Variants in CTNNA2 observed in about 807,000 individuals in gnomAD.
CTNNA2 encodes catenin alpha-2.
Under a neutral mutation model 101.0 loss-of-function variants are expected in CTNNA2, and 42 were observed. The ratio of observed to expected loss-of-function variants is 0.42; its 90% CI spans 0.32 to 0.54. CTNNA2 has a LOEUF of 0.54. CTNNA2 is among the 20% of genes least tolerant of loss of function. The pLI is 0.14. For synonymous variants in CTNNA2, 450 were observed against 456.4 expected, an observed-to-expected ratio of 0.99 and a Z score of 0.18; for missense variants, 871 against 1,223.1, an observed-to-expected ratio of 0.71 and a Z score of 4.29.
intron 4 of CTNNA2, among the ~76,000 whole-genome samples, chr2:79,441,049 C>G (rs542262944): frequency 4.6e-5 from 7 of 152,184 alleles, no homozygotes; most frequent in Non-Finnish European, 8.8e-5. Flanking sequence ...AGAATCATCT[C>G]AGGGAGAAAA....
At chr2:79,647,867 G>A (rs1012951987) in intron 1 of CTNNA2, among the ~76,000 whole-genome samples, 4 of 152,160 alleles carry the variant, frequency 2.6e-5, no homozygotes, top group African/African-American at 7.2e-5. Context: ...GCTCCAGCTC[G>A]GATTCAGGTG....
At chr2:79,600,698 A>C (rs993512500) in intron 1 of CTNNA2, among the ~76,000 whole-genome samples, 1 of 152,228 alleles carries the variant, frequency 6.6e-6, no homozygotes, top group African/African-American at 2.4e-5. Flanking sequence ...CCTATGACAG[A>C]ATACCATAGA....
intron 1 of CTNNA2, among the ~76,000 whole-genome samples, chr2:79,614,007 C>CT (rs1340677238): frequency 6.6e-6 from 1 of 152,190 alleles, no homozygotes; most frequent in East Asian, 1.9e-4. Context: ...AACAGACAGT[C>CT]TGACTCCACA....
intron 18 of CTNNA2, among the ~76,000 whole-genome samples, chr2:80,623,569 C>T (rs963669957): frequency 1.3e-5 from 2 of 152,024 alleles, no homozygotes; most frequent in East Asian, 3.9e-4. Context: ...AGAAATTCTT[C>T]TGACCATGCT....
intron 9 of CTNNA2, among the ~76,000 whole-genome samples, chr2:80,484,879 A>G (rs372785163): frequency 4.6e-5 from 7 of 152,082 alleles, no homozygotes; most frequent in South Asian, 2.1e-4. Context: ...GGTGGTGGGC[A>G]CCTGTAGTCC....
chr2:79,584,463 A>G (rs1467967193), intron 1 of CTNNA2, among the ~76,000 whole-genome samples: 2 of 151,628 alleles, frequency 1.3e-5, no homozygotes, highest in East Asian at 3.9e-4. Context: ...TCTTGTTGAT[A>G]TTCAAATTTA....
At chr2:79,569,602 C>T (rs950956061) in intron 1 of CTNNA2, among the ~76,000 whole-genome samples, 7 of 152,072 alleles carry the variant, frequency 4.6e-5, no homozygotes, top group African/African-American at 1.7e-4. Context: ...TCAGGTCTTA[C>T]CACAGCAGCA....
chr2:79,984,844 A>T (rs7571696), intron 7 of CTNNA2, among the ~76,000 whole-genome samples: 5,600 of 152,252 alleles, frequency 0.037, 326 homozygotes, highest in African/African-American at 0.13. Context: ...TCAGGTCATA[A>T]TCCCCTGCTT....
At position 80,582,507 on chromosome 2, in the gene CTNNA2, T is replaced by C. The variant is rs1013609787; in HGVS notation, c.2007+688T>C. On this transcript the variant is annotated intron_variant, in intron 14 of 18. Transcript: ENST00000402739. ...CTGACATTTGAGTACTCCATGATAC[T>C]GTTCACCAATGCATTTGGTCTAAAG... Among the ~76,000 whole-genome samples, 4 of 152,166 alleles carry C rather than the reference T, an allele frequency of 2.6e-5. No individual in the cohort carries two copies. The East Asian group carries it at 7.7e-4, about 29-fold the overall frequency.
chr2:79,386,490 C>T (rs1169893522), intron 4 of CTNNA2, among the ~76,000 whole-genome samples: 1 of 152,140 alleles, frequency 6.6e-6, no homozygotes, highest in African/African-American at 2.4e-5. Context: ...TCCACAATAT[C>T]CTCCTCTAAA....
intron 7 of CTNNA2, among the ~76,000 whole-genome samples, chr2:80,241,493 A>C (rs566284157): frequency 2.6e-5 from 4 of 151,986 alleles, no homozygotes; most frequent in Admixed American, 6.6e-5. Flanking sequence ...TATGAGCTAT[A>C]CAGGTCCATG....
chr2:80,429,104 C>A (rs142528059), intron 9 of CTNNA2, among the ~76,000 whole-genome samples: 2 of 151,908 alleles, frequency 1.3e-5, no homozygotes, highest in Admixed American at 6.6e-5. Context: ...GTATATATTC[C>A]AGTACTATTC....
chr2:80,107,100 C>T (rs1044620922), intron 7 of CTNNA2, among the ~76,000 whole-genome samples: 15 of 152,156 alleles, frequency 9.9e-5, no homozygotes, highest in African/African-American at 3.6e-4. Flanking sequence ...AAACTCTAGG[C>T]AGACAGGGCA....
chr2:80,098,449 G>A lies in CTNNA2; in HGVS notation c.1056+188652G>A, dbSNP rs146786847. ...GTTGCCTCCCAGTTAGGCTACTCGG[G>A]GATCAGGGACCCACTTGAGAGGCAG... On this transcript the variant is annotated intron_variant, in intron 7 of 18. Coordinates refer to ENST00000402739, the MANE Select transcript of CTNNA2 (RefSeq NM_001282597.3). Among the ~76,000 whole-genome samples the A allele has an allele frequency of 2.9e-3, 449 of 152,278 alleles. 3 individuals carry two copies. Among genetic ancestry groups the A allele is most frequent in the African/African-American group, 0.01 (419 of 41,566 alleles).
chr2:80,310,805 C>G (rs1298471896), intron 7 of CTNNA2, among the ~76,000 whole-genome samples: 1 of 151,934 alleles, frequency 6.6e-6, no homozygotes, highest in Non-Finnish European at 1.5e-5. Flanking sequence ...AACCCTGTCT[C>G]TACTGAAAAT....
upstream of CTNNA2, among the ~76,000 whole-genome samples, chr2:79,509,316 T>A (rs2103819047): frequency 6.6e-6 from 1 of 152,150 alleles, no homozygotes; most frequent in African/African-American, 2.4e-5. Context: ...AAGATGAAAT[T>A]GCTATAGCAT....
chr2:80,600,697 T>A (rs1697416988), intron 15 of CTNNA2, among the ~76,000 whole-genome samples: 1 of 152,142 alleles, frequency 6.6e-6, no homozygotes, highest in South Asian at 2.1e-4. Flanking sequence ...CGACTGAACA[T>A]ATCTACAGAA....
intron 3 of CTNNA2, among the ~76,000 whole-genome samples, chr2:79,755,047 C>T (rs188278857): frequency 2.0e-5 from 3 of 152,074 alleles, no homozygotes; most frequent in African/African-American, 7.2e-5. Context: ...TATTCACAGC[C>T]GGGTACAGTG....
chr2:80,052,145 C>T (rs1457163981), intron 7 of CTNNA2, among the ~76,000 whole-genome samples: 1 of 152,148 alleles, frequency 6.6e-6, no homozygotes, highest in Non-Finnish European at 1.5e-5. Flanking sequence ...TAAATATGAT[C>T]TGAAATACTA....
Sources: allele counts gnomAD v4.1 joint callset (sites outside exome capture counted in the v4.1 genomes callset), GRCh38; gene constraint gnomAD v4.1.1; transcripts MANE v1.5; gene names NCBI Gene and HGNC (gene_info 2026-07-23, HGNC 2026-07-21).